TMCC2: variants seen among roughly 807,000 people sequenced by gnomAD.
TMCC2 encodes the protein transmembrane and coiled-coil domain family 2.
TMCC2 carries 16 observed loss-of-function variants against 49.4 expected under a neutral mutation model. The observed-to-expected ratio is 0.32, with a 90% CI of 0.22 to 0.49. The LOEUF (loss-of-function observed/expected upper bound fraction) is 0.49, where lower values mean the gene tolerates loss of function less well. Among genes scored for constraint, TMCC2 ranks in the 20% least tolerant of loss-of-function variants. The probability of loss-of-function intolerance (pLI) is 0.99; values close to 1 mark genes in which losing one functional copy is unlikely to be tolerated. For missense variants in TMCC2, 762 were observed against 989.8 expected (o/e 0.77, Z 3.09); for synonymous variants, 397 against 434.1 (o/e 0.91, Z 1.06).
chr1:205,269,689 G>A lies in TMCC2; in HGVS notation c.1487G>A (p.Gly496Glu). The change falls in exon 3 of 5, where the codon GGG becomes GAG. Residue 496 changes from glycine (G) to glutamate (E), a missense_variant. By Grantham distance (98) the Gly-to-Glu change is moderately conservative. Coordinates refer to ENST00000358024, the MANE Select transcript of TMCC2 (RefSeq NM_014858.4). The stretch of plus-strand genomic sequence containing the variant: ...GGGGCAGGCAGCAACTCTGGGGCTG[G>A]GCCTGGTGGGGCGCTGGGGAGCCCT... The part of the protein sequence containing the change: ...SAGAGSNSGA[G>E]PGGALGSPKS... 6.2e-7 allele frequency: 1 copy of A among 1,614,044 alleles called. No homozygotes were observed. Among genetic ancestry groups the A allele is most frequent in the Non-Finnish European group, 8.5e-7 (1 of 1,179,964 alleles).
chr1:205,270,012 GC>G, intron 3 of TMCC2, 128 bp downstream of exon 3: 1 of 857,126 alleles, frequency 1.2e-6, no homozygotes, highest in Non-Finnish European at 1.8e-6. Flanking sequence ...GCTGGAAGGA[GC>G]CAGCACGAGG....
intron 1 of TMCC2, chr1:205,229,782 C>G (rs916411224): frequency 3.9e-5 from 38 of 985,318 alleles, no homozygotes; most frequent in Non-Finnish European, 4.2e-5. Flanking sequence ...TCACATGGAG[C>G]TGTTTATTTT....
chr1:205,244,364 G>A (rs1046554851), intron 2 of TMCC2, among the ~76,000 whole-genome samples: 6 of 152,180 alleles, frequency 3.9e-5, no homozygotes, highest in Admixed American at 1.3e-4. Flanking sequence ...AGTCAGCATC[G>A]TCCTTGGTCA....
chr1:205,231,585 C>A (rs1008366891), intron 1 of TMCC2, among the ~76,000 whole-genome samples: 3 of 152,226 alleles, frequency 2.0e-5, no homozygotes, highest in Non-Finnish European at 4.4e-5. Flanking sequence ...GTGTGAGCCA[C>A]CGTGCCCAGC....
intron 1 of TMCC2, among the ~76,000 whole-genome samples, chr1:205,238,664 G>A (rs1425898487): frequency 6.6e-6 from 1 of 152,082 alleles, no homozygotes; most frequent in African/African-American, 2.4e-5. Context: ...TTTGTTTGGC[G>A]CCTGCCTCTG....
intron 1 of TMCC2, among the ~76,000 whole-genome samples, chr1:205,230,982 C>T (rs1298648285): frequency 1.9e-5 from 1 of 52,928 alleles, no homozygotes; most frequent in Non-Finnish European, 4.6e-5. Context: ...CGCCCCCATC[C>T]ACCCCATCCC....
At chr1:205,248,457 T>C (rs1017569715) in intron 2 of TMCC2, among the ~76,000 whole-genome samples, 1 of 152,202 alleles carries the variant, frequency 6.6e-6, no homozygotes, top group African/African-American at 2.4e-5. Context: ...CTTTCTAGTA[T>C]GTATGCGACA....
In TMCC2 at chr1:205,272,291, C is replaced by T; in HGVS notation, c.*167C>T. The T allele has an allele frequency of 7.4e-7, 1 of 1,351,184 alleles. No homozygotes were observed. Among genetic ancestry groups the T allele is most frequent in the Non-Finnish European group, 9.8e-7 (1 of 1,022,868 alleles). The allele number at this position is 1,351,184 out of a possible 1,614,324, so 83.7% of individuals were successfully genotyped here. ...ACTTGCTTCTGTCTGACACCTTCTC[C>T]CTGTTGGCCTGAAGGGAGCTTAGAA... On this transcript the variant is annotated 3_prime_UTR_variant, in exon 5 of 5. Coordinates refer to ENST00000358024, the MANE Select transcript of TMCC2 (RefSeq NM_014858.4).
chr1:205,256,947 T>A (rs930199856), intron 2 of TMCC2, among the ~76,000 whole-genome samples: 12 of 152,000 alleles, frequency 7.9e-5, no homozygotes, highest in African/African-American at 2.7e-4. Flanking sequence ...CTCGTGCACA[T>A]CCCTTTCAAC....
At position 205,242,059 on chromosome 1, in the gene TMCC2, C is replaced by T. The variant is rs1660292614; in HGVS notation, c.747+15C>T. The stretch of plus-strand genomic sequence containing the variant: ...TCGGGGACAAGGTGAGATGGGCCTT[C>T]TGGGGCAGGGGGAGACTCAGAGGCA... On this transcript the variant is annotated intron_variant, in intron 2 of 4. Transcript: ENST00000358024. 6.4e-7 allele frequency: 1 copy of T among 1,558,050 alleles called. No homozygotes were observed. The highest frequency in any genetic ancestry group is 1.2e-5 in the South Asian group (1 of 81,880).
At chr1:205,271,017 A>G (rs1768584) in intron 3 of TMCC2, 103 bp from the exon 4 acceptor site, 510,882 of 1,483,306 alleles carry the variant, frequency 0.34, 94,178 homozygotes, top group Non-Finnish European at 0.38. Flanking sequence ...GACACGGGGG[A>G]TGGGCTGAGT....
intron 2 of TMCC2, among the ~76,000 whole-genome samples, chr1:205,255,725 A>T (rs886200340): frequency 6.6e-6 from 1 of 152,124 alleles, no homozygotes; most frequent in African/African-American, 2.4e-5. Context: ...TATGCTAGGC[A>T]CAGTGAATGG....
chr1:205,268,339 C>T (rs1055319187), intron 2 of TMCC2, among the ~76,000 whole-genome samples: 4 of 152,120 alleles, frequency 2.6e-5, no homozygotes, highest in African/African-American at 7.2e-5. Context: ...TGGGGCCAGG[C>T]GTAGTGGCTC....
Position 205,269,845 on chromosome 1 carries a change from A to G in TMCC2, c.1643A>G (p.Tyr548Cys). 2 of 1,614,050 alleles carry G rather than the reference A, an allele frequency of 1.2e-6. No homozygotes were observed. The highest frequency in any genetic ancestry group is 1.7e-6 in the Non-Finnish European group (2 of 1,179,990). The change falls in exon 3 of 5, where the codon TAC becomes TGC. Residue 548 changes from tyrosine (Y) to cysteine (C), a missense_variant. Tyr to Cys is a radical substitution (Grantham distance 194). Transcript: ENST00000358024. ...CTGAAGACTCAGCTGCAGAGGGACT[A>G]CACCTACATGACCCAGTGCCTGCAG... ...EDLKTQLQRD[Y>C]TYMTQCLQEE...
At chr1:205,231,015 G>C (rs1230776308) in intron 1 of TMCC2, among the ~76,000 whole-genome samples, 1 of 13,748 alleles carries the variant, frequency 7.3e-5, no homozygotes, top group Admixed American at 1.0e-3. Flanking sequence ...CCCGCCCCCA[G>C]AGAAAACATA....
chr1:205,246,128 G>T (rs1660443040), intron 2 of TMCC2, among the ~76,000 whole-genome samples: 2 of 152,060 alleles, frequency 1.3e-5, no homozygotes, highest in Admixed American at 1.3e-4. Context: ...ATTCTGGATT[G>T]GTTTCAAAGA....
chr1:205,262,276 A>G (rs929429815), intron 2 of TMCC2, among the ~76,000 whole-genome samples: 2 of 152,200 alleles, frequency 1.3e-5, no homozygotes, highest in Admixed American at 1.3e-4. Flanking sequence ...TGTGAGGGGT[A>G]GGAAAAAGCC....
chr1:205,238,255 CACTT>C (rs1660133676), intron 1 of TMCC2, among the ~76,000 whole-genome samples: 3 of 151,006 alleles, frequency 2.0e-5, no homozygotes, highest in South Asian at 2.1e-4. Flanking sequence ...TTTTTTAAAA[CACTT>C]ACTGTGTTAT....
rs1192960498 is a variant in TMCC2 at position 205,241,808 on chromosome 1, A to G, written c.511A>G (p.Ser171Gly). Residue 171 changes from serine (S) to glycine (G), a missense_variant, in exon 2 of 5, where the codon AGT (serine) becomes GGT (glycine). By Grantham distance (56) the Ser-to-Gly change is moderately conservative. Transcript: ENST00000358024. This position sits in a 1 kb window ranked among gnomAD's most constrained non-coding sequence, Gnocchi z 7.3. ...IKRGASLHSSSGGGSSGSSSR... is the reference protein window; with the variant it reads ...IKRGASLHSSGGGGSSGSSSR... ...GCGGGGCGCCAGCCTGCACAGCAGC[A>G]GTGGGGGCGGCAGCAGCGGGAGCAG... is the stretch of plus-strand genomic sequence containing the variant. 1 of 1,605,984 alleles carries G rather than the reference A, an allele frequency of 6.2e-7. No individual in the cohort carries two copies. Among genetic ancestry groups the G allele is most frequent in the Non-Finnish European group, 8.5e-7 (1 of 1,177,252 alleles).
Sources: gnomAD v4.1 joint callset for allele counts (sites outside exome capture counted in the v4.1 genomes callset) on GRCh38, gnomAD v4.1.1 for gene constraint, Gnocchi (gnomAD v3.1) non-coding constraint, MANE v1.5 for transcripts, NCBI Gene and HGNC (gene_info 2026-07-23, HGNC 2026-07-21) for gene names.